KCNQ3: variants seen among roughly 807,000 people sequenced by gnomAD.
KCNQ3 encodes the protein potassium voltage-gated channel subfamily Q member 3, also known as potassium voltage-gated channel subfamily KQT member 3.
KCNQ3 carries 30 observed loss-of-function variants against 92.5 expected under a neutral mutation model. The observed-to-expected ratio is 0.32, with a 90% confidence interval of 0.24 to 0.44. The LOEUF is 0.44. Ranked by LOEUF, KCNQ3 falls within the 20% of genes least tolerant of loss-of-function variation. The pLI, the probability that KCNQ3 is intolerant of heterozygous loss-of-function variation, is 1.00. For synonymous variants in KCNQ3, 450 were observed against 468.8 expected, an observed-to-expected ratio of 0.96 and a Z score of 0.52; for missense variants, 913 against 1,140.3, an observed-to-expected ratio of 0.80 and a Z score of 2.87.
chr8:132,376,044 GC>G (rs1347342526), intron 1 of KCNQ3, among the ~76,000 whole-genome samples: 1 of 152,076 alleles, frequency 6.6e-6, no homozygotes, highest in African/African-American at 2.4e-5. Flanking sequence ...CTCTTGTCAG[GC>G]CCTCATGGAA....
In KCNQ3 at chr8:132,370,705, C is replaced by T. The variant is rs534550372; in HGVS notation, c.386+109442G>A. ...AGACCCTGGGGAGCAGAGCCCATAG[C>T]GAGGAATGCCCTTCTTACTGGTACT... is the stretch of plus-strand genomic sequence containing the variant. On this transcript the variant is annotated intron_variant, in intron 1 of 14. Coordinates refer to ENST00000388996, the MANE Select transcript of KCNQ3 (RefSeq NM_004519.4). Among the ~76,000 whole-genome samples the T allele has an allele frequency of 7.2e-5, 11 of 152,224 alleles. No homozygotes were observed. In the South Asian group the frequency reaches 1.2e-3, roughly 17 times the overall value.
Position 132,216,390 on chromosome 8 carries a change from G to A in KCNQ3, c.387-30209C>T, listed in dbSNP as rs1488623187. ...CAGGCACTAACAAGGACATAATGAT[G>A]ATTCCTTTCTGGGATAGGAAGGAGT... On this transcript the variant is annotated intron_variant, in intron 1 of 14. Transcript: ENST00000388996. Among the ~76,000 whole-genome samples the A allele has an allele frequency of 5.3e-5, 8 of 152,342 alleles. No homozygotes were observed. In the South Asian group the frequency reaches 1.4e-3, roughly 28 times the overall value.
intron 1 of KCNQ3, among the ~76,000 whole-genome samples, chr8:132,244,018 G>C (rs1815078686): frequency 6.6e-6 from 1 of 152,182 alleles, no homozygotes; most frequent in African/African-American, 2.4e-5. Context: ...TAGCAGAGAA[G>C]GTGGGTGTCC....
At chr8:132,229,467 G>C (rs1814557982) in intron 1 of KCNQ3, among the ~76,000 whole-genome samples, 1 of 151,978 alleles carries the variant, frequency 6.6e-6, no homozygotes, top group Non-Finnish European at 1.5e-5. Context: ...TCGGAGGATG[G>C]CATGGCTAGC....
chr8:132,343,994 G>C (rs574381233), intron 1 of KCNQ3, among the ~76,000 whole-genome samples: 1 of 152,304 alleles, frequency 6.6e-6, no homozygotes, highest in South Asian at 2.1e-4. Context: ...CATGTTCTTT[G>C]TGTTTAAATA....
intron 1 of KCNQ3, among the ~76,000 whole-genome samples, chr8:132,446,601 T>C (rs767013033): frequency 1.9e-4 from 29 of 152,332 alleles, no homozygotes; most frequent in Non-Finnish European, 3.5e-4. Flanking sequence ...AGGATGAGTC[T>C]ATGTGTCAGC....
At chr8:132,195,982 A>G (rs1827288400) in intron 1 of KCNQ3, among the ~76,000 whole-genome samples, 1 of 152,224 alleles carries the variant, frequency 6.6e-6, no homozygotes, top group Admixed American at 6.5e-5. Context: ...AATTATAAAC[A>G]TGTGCATACC....
chr8:132,389,100 G>A (rs142277019), intron 1 of KCNQ3, among the ~76,000 whole-genome samples: 43 of 152,278 alleles, frequency 2.8e-4, no homozygotes, highest in African/African-American at 9.9e-4. Context: ...AAAAAATGGA[G>A]AAATCTTCAT....
intron 1 of KCNQ3, among the ~76,000 whole-genome samples, chr8:132,458,286 A>G (rs1247325837): frequency 6.6e-6 from 1 of 151,996 alleles, no homozygotes; most frequent in Non-Finnish European, 1.5e-5. Context: ...CAAAATAAAC[A>G]CCTTCCCATC....
At chr8:132,253,834 C>G (rs1439248507) in intron 1 of KCNQ3, among the ~76,000 whole-genome samples, 1 of 152,224 alleles carries the variant, frequency 6.6e-6, no homozygotes, top group African/African-American at 2.4e-5. Flanking sequence ...CTATTCCTGG[C>G]CCTGGGGCAG....
chr8:132,266,081 C>T (rs1815971769), intron 1 of KCNQ3, among the ~76,000 whole-genome samples: 1 of 152,190 alleles, frequency 6.6e-6, no homozygotes, highest in Non-Finnish European at 1.5e-5. Context: ...AAATGTAGTA[C>T]TTCCCAAAGT....
At chr8:132,244,878 T>G (rs1419628795) in intron 1 of KCNQ3, among the ~76,000 whole-genome samples, 1 of 150,298 alleles carries the variant, frequency 6.7e-6, no homozygotes, top group Non-Finnish European at 1.5e-5. Flanking sequence ...AGAAGCACAG[T>G]TTTTATTATA....
chr8:132,461,665 A>G (rs2130858715), intron 1 of KCNQ3, among the ~76,000 whole-genome samples: 1 of 152,330 alleles, frequency 6.6e-6, no homozygotes, highest in Middle Eastern at 3.4e-3. Flanking sequence ...CTGTTGCCCT[A>G]CATCCTTGTC....
intron 1 of KCNQ3, among the ~76,000 whole-genome samples, chr8:132,440,246 C>T (rs1821501113): frequency 6.6e-6 from 1 of 152,142 alleles, no homozygotes; most frequent in Non-Finnish European, 1.5e-5. Flanking sequence ...TTACTCATTC[C>T]AGTCTCTGCT....
chr8:132,405,938 TCTTA>T (rs1820465463), intron 1 of KCNQ3, among the ~76,000 whole-genome samples: 1 of 152,072 alleles, frequency 6.6e-6, no homozygotes, highest in Non-Finnish European at 1.5e-5. Context: ...AGCCTCCAGG[TCTTA>T]GGCAACACTG....
At chr8:132,372,163 C>T (rs1586964365) in intron 1 of KCNQ3, among the ~76,000 whole-genome samples, 1 of 152,136 alleles carries the variant, frequency 6.6e-6, no homozygotes, top group African/African-American at 2.4e-5. Context: ...TTAATGGCTT[C>T]CTCTGGGCTT....
intron 1 of KCNQ3, among the ~76,000 whole-genome samples, chr8:132,243,671 G>A (rs1163540442): frequency 1.3e-5 from 2 of 152,204 alleles, no homozygotes; most frequent in African/African-American, 4.8e-5. Context: ...CAACTTAACA[G>A]CTGTGTGTCT....
rs1422723586 is a variant in KCNQ3 at position 132,324,790 on chromosome 8, T to C, written c.387-138609A>G. ...CCAGGGTCTCCCAGTGAGCTAGTGA[T>C]GGCTCCAAAGGTAGGACCCAGCTCT... On this transcript the variant is annotated intron_variant, in intron 1 of 14. Coordinates refer to ENST00000388996, the MANE Select transcript of KCNQ3 (RefSeq NM_004519.4). Among the ~76,000 whole-genome samples, 3 of 152,196 alleles carry C rather than the reference T, an allele frequency of 2.0e-5. No homozygotes were observed. The East Asian group carries it at 5.8e-4, about 29-fold the overall frequency.
intron 1 of KCNQ3, among the ~76,000 whole-genome samples, chr8:132,459,486 CTT>C (rs757171785): frequency 3.5e-4 from 54 of 152,124 alleles, no homozygotes; most frequent in Non-Finnish European, 5.7e-4. Context: ...GTGTCAGGCT[CTT>C]TTTAACAACC....
Sources: allele counts gnomAD v4.1 joint callset (sites outside exome capture counted in the v4.1 genomes callset), GRCh38; gene constraint gnomAD v4.1.1; transcripts MANE v1.5; gene names NCBI Gene and HGNC (gene_info 2026-07-23, HGNC 2026-07-21).